AMMECR1: variants seen among roughly 807,000 people sequenced by gnomAD.
AMMECR1 encodes AMMECR nuclear protein 1, also known as nuclear protein AMMECR1.
AMMECR1 carries 3 observed loss-of-function variants against 22.5 expected under a neutral mutation model. That is an observed-to-expected ratio of 0.13 (90% CI 0.06 to 0.35). AMMECR1 has a LOEUF of 0.35. Ranked by LOEUF, AMMECR1 falls within the 10% of genes least tolerant of loss-of-function variation. The pLI, the probability that AMMECR1 is intolerant of heterozygous loss-of-function variation, is 1.00. For synonymous variants in AMMECR1, 130 were observed against 116.7 expected (o/e 1.11, Z -0.74); for missense variants, 235 against 278.7 (o/e 0.84, Z 1.12).
chrX:110,336,268 G>A (rs1431285180), intron 2 of AMMECR1, among the ~76,000 whole-genome samples: 3 of 111,841 alleles, frequency 2.7e-5, no homozygotes, highest in Non-Finnish European at 5.6e-5. Context: ...AGGTTAGAAA[G>A]TCACTTAGAG....
chrX:110,371,634 T>C (rs772431172), intron 2 of AMMECR1, among the ~76,000 whole-genome samples: 5 of 111,272 alleles, frequency 4.5e-5, no homozygotes, highest in Admixed American at 9.5e-5. Flanking sequence ...AACAGGGGAC[T>C]GGAGATCAGA....
intron 1 of AMMECR1, among the ~76,000 whole-genome samples, chrX:110,269,741 AC>A (rs769271250): frequency 4.9e-4 from 55 of 111,941 alleles, no homozygotes; most frequent in Admixed American, 3.7e-3. Context: ...TCTTTCCACC[AC>A]CAGGTAAAAA....
In AMMECR1 at chrX:110,195,071, CA is replaced by C. The variant is rs1273431780; in HGVS notation, c.*3448del. ...GCAGGCTTTTGAAGCAGCATTTGGG[CA>C]TGGCTGGGGGCTTCTTTGGTTTGAT... On this transcript the variant is annotated 3_prime_UTR_variant, in exon 6 of 6. Transcript: ENST00000262844. 1 of 112,171 alleles carries C rather than the reference CA, an allele frequency of 8.9e-6. No homozygotes were observed. The highest frequency in any genetic ancestry group is 3.2e-5 in the African/African-American group (1 of 30,870). The allele number at this position is 112,171 out of a possible 1,213,427, so 9.2% of individuals were successfully genotyped here.
At chrX:110,302,649 G>A (rs995500104) in intron 1 of AMMECR1, among the ~76,000 whole-genome samples, 3 of 111,083 alleles carry the variant, frequency 2.7e-5, no homozygotes, top group Admixed American at 1.9e-4. Flanking sequence ...GAAGTGGGTG[G>A]ATCACCTGAG....
At chrX:110,352,272 G>T (rs2068214147) in intron 2 of AMMECR1, among the ~76,000 whole-genome samples, 1 of 112,007 alleles carries the variant, frequency 8.9e-6, no homozygotes, top group Admixed American at 9.5e-5. Flanking sequence ...GGATATGAAT[G>T]TTCATGGCTG....
At chrX:110,390,668 G>A (rs1352847130) in intron 2 of AMMECR1, among the ~76,000 whole-genome samples, 1 of 111,907 alleles carries the variant, frequency 8.9e-6, no homozygotes, top group Non-Finnish European at 1.9e-5. Context: ...ATCATGTTTA[G>A]TTTCAGGAGG....
chrX:110,281,675 A>G (rs1278600350), intron 1 of AMMECR1, among the ~76,000 whole-genome samples: 1 of 112,435 alleles, frequency 8.9e-6, no homozygotes, highest in Admixed American at 9.4e-5. Flanking sequence ...GAAACTGCAC[A>G]GGGATGTCAG....
chrX:110,424,823 GT>G (rs2068742954), intron 2 of AMMECR1, among the ~76,000 whole-genome samples: 1 of 112,045 alleles, frequency 8.9e-6, no homozygotes, highest in Admixed American at 9.4e-5. Context: ...CAACATGAGT[GT>G]TGTCCCGTTA....
chrX:110,386,826 G>T (rs772151783), intron 2 of AMMECR1, among the ~76,000 whole-genome samples: 4 of 112,193 alleles, frequency 3.6e-5, no homozygotes, highest in Middle Eastern at 4.6e-3. Context: ...CAGGCACTGT[G>T]GGGGAATAAG....
Position 110,196,410 on chromosome X carries a change from G to GT in AMMECR1, c.*2109dup, listed in dbSNP as rs1486977266. 1 of 90,597 alleles carries GT rather than the reference G, an allele frequency of 1.1e-5. No homozygotes were observed. The highest frequency in any genetic ancestry group is 2.2e-5 in the Non-Finnish European group (1 of 45,316). The allele number at this position is 90,597 out of a possible 1,213,427, so 7.5% of individuals were successfully genotyped here. ...TTGTTTTTTGTTTTGTTTTTTTTTTGTTTGTTTTTTTTTGCAGCAGACAAT... is the reference window on the plus strand; with the variant it reads ...TTGTTTTTTGTTTTGTTTTTTTTTTGTTTTGTTTTTTTTTGCAGCAGACAAT... On this transcript the variant is annotated 3_prime_UTR_variant, in exon 6 of 6. Transcript: ENST00000262844.
chrX:110,364,428 T>C (rs1444375810), intron 2 of AMMECR1, among the ~76,000 whole-genome samples: 1 of 111,871 alleles, frequency 8.9e-6, no homozygotes, highest in Non-Finnish European at 1.9e-5. Flanking sequence ...CTAGCCTATC[T>C]GACTCCAAAA....
chrX:110,352,165 C>T (rs767722702), intron 2 of AMMECR1, among the ~76,000 whole-genome samples: 90 of 111,963 alleles, frequency 8.0e-4, no homozygotes, highest in Non-Finnish European at 1.5e-3. Context: ...CTGGCATTTT[C>T]TCAAAAAGTT....
chrX:110,335,560 G>A (rs2068138086), intron 2 of AMMECR1, among the ~76,000 whole-genome samples: 1 of 111,482 alleles, frequency 9.0e-6, no homozygotes, highest in Admixed American at 9.5e-5. Flanking sequence ...AGCCCACCAC[G>A]GACAGCTTAG....
chrX:110,407,365 A>C (rs143137393), intron 2 of AMMECR1, among the ~76,000 whole-genome samples: 1,354 of 112,173 alleles, frequency 0.012, 15 homozygotes, highest in African/African-American at 0.042. Flanking sequence ...CTCACAGGAA[A>C]CTCTGCCTTG....
At chrX:110,279,433 T>C (rs1234082306) in intron 1 of AMMECR1, among the ~76,000 whole-genome samples, 3 of 112,485 alleles carry the variant, frequency 2.7e-5, no homozygotes, top group African/African-American at 9.7e-5. Context: ...TTACTTAAAA[T>C]AGTTTTCATA....
chrX:110,361,131 C>G lies in AMMECR1; in HGVS notation c.-147-43282G>C, dbSNP rs779855797. 2.7e-5 allele frequency among the ~76,000 whole-genome samples: 3 copies of G among 110,934 alleles called. No individual in the cohort carries two copies. The East Asian group carries it at 8.5e-4, about 32-fold the overall frequency. ...CCACAACCCCCAACAAAACCTGCTG[C>G]ACTCACAAAACCTGCTCCTCACAGT... On this transcript the variant is annotated intron_variant, in intron 2 of 7. Transcript: ENST00000372057.
At chrX:110,231,825 A>T (rs765057140) in intron 2 of AMMECR1, among the ~76,000 whole-genome samples, 112 of 111,465 alleles carry the variant, frequency 1.0e-3, no homozygotes, top group African/African-American at 3.5e-3. Context: ...AGGAAGATCT[A>T]CCAAGCAAAC....
intron 2 of AMMECR1, among the ~76,000 whole-genome samples, chrX:110,252,849 T>A (rs1237207703): frequency 8.9e-6 from 1 of 112,381 alleles, no homozygotes; most frequent in Non-Finnish European, 1.9e-5. Flanking sequence ...AAATTTACAG[T>A]ATGCCAGGTG....
chrX:110,208,509 A>G (rs1011480158), intron 3 of AMMECR1, among the ~76,000 whole-genome samples: 2 of 111,915 alleles, frequency 1.8e-5, no homozygotes, highest in African/African-American at 6.5e-5. Context: ...CAAAGGACTA[A>G]TTAGGGCCAA....
Sources: gnomAD v4.1 joint callset for allele counts (sites outside exome capture counted in the v4.1 genomes callset) on GRCh38, gnomAD v4.1.1 for gene constraint, MANE v1.5 for transcripts, NCBI Gene and HGNC (gene_info 2026-07-23, HGNC 2026-07-21) for gene names.